Variants in RALYL observed in about 807,000 individuals in gnomAD.
RALYL encodes RNA-binding Raly-like protein.
Under a neutral mutation model 35.1 loss-of-function variants are expected in RALYL, and 29 were observed. The observed-to-expected ratio is 0.83, with a 90% CI of 0.61 to 1.13. RALYL has a LOEUF of 1.13. Among genes scored for constraint, RALYL ranks in the 50% most tolerant of loss-of-function variants. The pLI, the probability that RALYL is intolerant of heterozygous loss-of-function variation, is 0.00. For synonymous variants in RALYL, 120 were observed against 127.6 expected, an observed-to-expected ratio of 0.94 and a Z score of 0.40; for missense variants, 359 against 360.4, an observed-to-expected ratio of 1.00 and a Z score of 0.03.
At chr8:84,196,184 A>T (rs552357283) in intron 1 of RALYL, among the ~76,000 whole-genome samples, 2 of 152,334 alleles carry the variant, frequency 1.3e-5, no homozygotes, top group South Asian at 4.1e-4. Context: ...TTCATCATGT[A>T]TGCAATCTTT....
Position 84,741,109 on chromosome 8 carries a change from G to A in RALYL, c.257-33470G>A, listed in dbSNP as rs758813919. Reference sequence around the variant, plus strand: ...TCCCCAAAATGGAGTTGGGAGCAACGGTCATTTTAGAATGATTTGACTCCT... The same window carrying A: ...TCCCCAAAATGGAGTTGGGAGCAACAGTCATTTTAGAATGATTTGACTCCT... On this transcript the variant is annotated intron_variant, in intron 2 of 8. Coordinates refer to ENST00000521268, the MANE Select transcript of RALYL (RefSeq NM_173848.7). 5.9e-5 allele frequency among the ~76,000 whole-genome samples: 9 copies of A among 151,914 alleles called. No individual in the cohort carries two copies. The South Asian group carries it at 1.9e-3, about 32-fold the overall frequency.
intron 1 of RALYL, among the ~76,000 whole-genome samples, chr8:84,471,009 A>G (rs565197499): frequency 1.3e-5 from 2 of 152,282 alleles, no homozygotes; most frequent in South Asian, 4.1e-4. Flanking sequence ...CTTTGGAGTC[A>G]TATGTTCATC....
At chr8:84,525,953 CTTTTTTTT>C (rs35794329) in intron 1 of RALYL, among the ~76,000 whole-genome samples, 1 of 104,866 alleles carries the variant, frequency 9.5e-6, no homozygotes, top group Non-Finnish European at 1.9e-5. Flanking sequence ...TTTCTTTTTT[CTTTTTTTT>C]TTTTTTTTTT....
intron 1 of RALYL, among the ~76,000 whole-genome samples, chr8:84,237,232 G>T (rs932571157): frequency 6.6e-6 from 1 of 152,204 alleles, no homozygotes; most frequent in Non-Finnish European, 1.5e-5. Flanking sequence ...AGTGCAGCAG[G>T]ATTCTCTTGG....
chr8:84,424,505 A>G (rs317935), intron 1 of RALYL, among the ~76,000 whole-genome samples: 71,541 of 145,490 alleles, frequency 0.49, 18,218 homozygotes, highest in South Asian at 0.55. Flanking sequence ...ATGTCCTTCC[A>G]TAGCTCAGAG....
chr8:84,510,865 T>C (rs2057559210), intron 1 of RALYL, among the ~76,000 whole-genome samples: 1 of 152,058 alleles, frequency 6.6e-6, no homozygotes, highest in Non-Finnish European at 1.5e-5. Flanking sequence ...TGTTTTGATA[T>C]ATGTATACAA....
intron 2 of RALYL, among the ~76,000 whole-genome samples, chr8:84,749,061 C>G (rs772916138): frequency 6.6e-6 from 1 of 151,972 alleles, no homozygotes; most frequent in Non-Finnish European, 1.5e-5. Context: ...ATTAAGTTAA[C>G]CTCTCTGTTG....
At chr8:84,520,320 A>G (rs1443304043) in intron 1 of RALYL, among the ~76,000 whole-genome samples, 1 of 152,204 alleles carries the variant, frequency 6.6e-6, no homozygotes, top group Non-Finnish European at 1.5e-5. Flanking sequence ...ATTTCCTAGA[A>G]TTATATCAGT....
chr8:84,300,878 A>G (rs1425047832), intron 1 of RALYL, among the ~76,000 whole-genome samples: 1 of 151,988 alleles, frequency 6.6e-6, no homozygotes, highest in Non-Finnish European at 1.5e-5. Context: ...CATTTGTCCT[A>G]TTTATATTCA....
At chr8:84,462,675 A>G (rs2050952468) in intron 1 of RALYL, among the ~76,000 whole-genome samples, 2 of 151,064 alleles carry the variant, frequency 1.3e-5, no homozygotes, top group Admixed American at 6.6e-5. Flanking sequence ...ATTTTGTAAA[A>G]CTTATTTTTC....
intron 2 of RALYL, among the ~76,000 whole-genome samples, chr8:84,639,567 C>A (rs751946277): frequency 2.0e-5 from 3 of 151,934 alleles, no homozygotes; most frequent in Non-Finnish European, 4.4e-5. Flanking sequence ...GATAAGGGGT[C>A]CATTCAGTCT....
rs569360526 is a variant in RALYL, at chr8:84,334,929, G to C, written c.-24+150505G>C. Among the ~76,000 whole-genome samples, 5 of 152,240 alleles carry C rather than the reference G, an allele frequency of 3.3e-5. No homozygotes were observed. In the South Asian group the frequency reaches 1.0e-3, roughly 32 times the overall value. On this transcript the variant is annotated intron_variant, in intron 1 of 8. Coordinates refer to ENST00000521268, the MANE Select transcript of RALYL (RefSeq NM_173848.7). ...ATCCATCTCAAGCCTACTTTGGACT[G>C]GATGCCTATCATGGTAAAGGAAGAG... is the stretch of plus-strand genomic sequence containing the variant.
chr8:84,522,733 T>A (rs888162409), intron 1 of RALYL, among the ~76,000 whole-genome samples: 2 of 152,192 alleles, frequency 1.3e-5, no homozygotes, highest in Admixed American at 1.3e-4. Flanking sequence ...GCTCTAGACT[T>A]CAGCAGATTA....
At chr8:84,268,793 T>A (rs947907156) in intron 1 of RALYL, among the ~76,000 whole-genome samples, 26 of 152,342 alleles carry the variant, frequency 1.7e-4, no homozygotes, top group African/African-American at 6.3e-4. Context: ...GTGAGAAAAC[T>A]GCATGGGTCT....
chr8:84,702,935 A>AC (rs1840467152), intron 2 of RALYL, among the ~76,000 whole-genome samples: 2 of 152,128 alleles, frequency 1.3e-5, no homozygotes, highest in African/African-American at 4.8e-5. Context: ...AAGGCATAAA[A>AC]CTGATTTTGC....
At chr8:84,325,616 A>C (rs1226757691) in intron 1 of RALYL, among the ~76,000 whole-genome samples, 1 of 152,176 alleles carries the variant, frequency 6.6e-6, no homozygotes, top group Non-Finnish European at 1.5e-5. Context: ...TTGTACCTGA[A>C]TCTGGTCCTC....
chr8:84,543,408 G>A (rs1480008220), intron 2 of RALYL, among the ~76,000 whole-genome samples: 2 of 151,334 alleles, frequency 1.3e-5, no homozygotes, highest in East Asian at 1.9e-4. Flanking sequence ...AAGTGGTGGT[G>A]TATCACTTTA....
At chr8:84,547,444 T>G (rs1160481768) in intron 2 of RALYL, among the ~76,000 whole-genome samples, 2 of 152,076 alleles carry the variant, frequency 1.3e-5, no homozygotes, top group African/African-American at 4.8e-5. Context: ...TGATGCGATC[T>G]CAGCTCACTG....
At chr8:84,545,984 C>CTCCTGA (rs1331024306) in intron 2 of RALYL, among the ~76,000 whole-genome samples, 3 of 152,064 alleles carry the variant, frequency 2.0e-5, no homozygotes, top group Non-Finnish European at 4.4e-5. Flanking sequence ...TCTTGTGTTG[C>CTCCTGA]TCCTGATTTT....
Sources: gnomAD v4.1 joint callset for allele counts (sites outside exome capture counted in the v4.1 genomes callset) on GRCh38, gnomAD v4.1.1 for gene constraint, MANE v1.5 for transcripts, NCBI Gene and HGNC (gene_info 2026-07-23, HGNC 2026-07-21) for gene names.